Variants in UBE2H observed in about 807,000 individuals in gnomAD.
The protein encoded by UBE2H is ubiquitin-conjugating enzyme E2 H.
UBE2H carries 3 observed loss-of-function variants against 29.0 expected under a neutral mutation model. The observed-to-expected ratio is 0.10, with a 90% CI of 0.05 to 0.27. The LOEUF (loss-of-function observed/expected upper bound fraction) is 0.27. Among genes scored for constraint, UBE2H ranks in the 10% least tolerant of loss-of-function variants. UBE2H has a pLI of 1.00. For missense variants in UBE2H, 68 were observed against 228.2 expected (o/e 0.30, Z 4.52); for synonymous variants, 69 against 82.9 (o/e 0.83, Z 0.91).
intron 1 of UBE2H, among the ~76,000 whole-genome samples, chr7:129,903,959 A>G (rs566392796): frequency 6.6e-6 from 1 of 152,354 alleles, no homozygotes; most frequent in South Asian, 2.1e-4. Context: ...GAGTATTAAC[A>G]TTCCAGAAAA....
intron 1 of UBE2H, among the ~76,000 whole-genome samples, chr7:129,886,259 C>T (rs971343705): frequency 1.3e-5 from 2 of 152,134 alleles, no homozygotes; most frequent in Non-Finnish European, 2.9e-5. Context: ...TAATGATTAA[C>T]ATTCCCAAGA....
chr7:129,925,622 C>G (rs1807250986), intron 1 of UBE2H, among the ~76,000 whole-genome samples: 1 of 152,182 alleles, frequency 6.6e-6, no homozygotes, highest in South Asian at 2.1e-4. Context: ...GCCTTTCTTG[C>G]AACGAGACAC....
chr7:129,907,359 T>C (rs1806840025), intron 1 of UBE2H, among the ~76,000 whole-genome samples: 1 of 151,846 alleles, frequency 6.6e-6, no homozygotes, highest in East Asian at 1.9e-4. Context: ...TGAGCCAGAC[T>C]TTAAGGAAAG....
chr7:129,888,021 G>A (rs1806399119), intron 1 of UBE2H, among the ~76,000 whole-genome samples: 1 of 152,214 alleles, frequency 6.6e-6, no homozygotes, highest in African/African-American at 2.4e-5. Flanking sequence ...ACAATCACAT[G>A]GAAGGAAGAC....
chr7:129,924,770 G>C (rs1160735108), intron 1 of UBE2H, among the ~76,000 whole-genome samples: 1 of 151,818 alleles, frequency 6.6e-6, no homozygotes. Context: ...ACCCAAGAAG[G>C]AAGTGAAAGC....
chr7:129,948,379 C>T (rs1221143849), intron 1 of UBE2H, among the ~76,000 whole-genome samples: 1 of 152,224 alleles, frequency 6.6e-6, no homozygotes. Flanking sequence ...CAGACACCAA[C>T]GATTCTGTAA....
chr7:129,895,548 A>C (rs1806582626), intron 1 of UBE2H, among the ~76,000 whole-genome samples: 1 of 152,138 alleles, frequency 6.6e-6, no homozygotes, highest in Non-Finnish European at 1.5e-5. Flanking sequence ...CAAAATCCTA[A>C]TGAAAACATC....
At chr7:129,876,859 A>G (rs1479214000) in intron 3 of UBE2H, among the ~76,000 whole-genome samples, 2 of 152,324 alleles carry the variant, frequency 1.3e-5, no homozygotes, top group East Asian at 3.9e-4. Flanking sequence ...TATAGATGCA[A>G]ATTGTTTTAA....
In UBE2H at chr7:129,868,958, C is replaced by CA. The variant is rs572266571; in HGVS notation, c.206-10018dup. ...CTCTTTTTTTTTTTTTTTTTGGAGA[C>CA]AGAGTTTCATTCTTGTTGCCCAGGC... On this transcript the variant is annotated intron_variant, in intron 3 of 6. Transcript: ENST00000355621. Among the ~76,000 whole-genome samples the CA allele has an allele frequency of 1.0e-4, 14 of 134,996 alleles. No individual in the cohort carries two copies. The South Asian group carries it at 1.4e-3, about 14-fold the overall frequency. 88.6% of individuals were successfully genotyped at this position (134,996 alleles called of 152,430 possible).
At chr7:129,930,018 A>G (rs1013777757) in intron 1 of UBE2H, among the ~76,000 whole-genome samples, 1 of 152,156 alleles carries the variant, frequency 6.6e-6, no homozygotes, top group Non-Finnish European at 1.5e-5. Flanking sequence ...AAAACAAAAC[A>G]AAACAAAAAA....
intron 1 of UBE2H, among the ~76,000 whole-genome samples, chr7:129,918,435 T>C (rs980857420): frequency 3.3e-5 from 5 of 151,522 alleles, no homozygotes; most frequent in Non-Finnish European, 7.4e-5. Flanking sequence ...CAAGACTCAC[T>C]GCAACCTCTG....
chr7:129,855,152 T>C (rs1805681953), intron 5 of UBE2H, among the ~76,000 whole-genome samples: 1 of 152,254 alleles, frequency 6.6e-6, no homozygotes, highest in African/African-American at 2.4e-5. Flanking sequence ...AAATGGGTGA[T>C]TTGCATGTCT....
At chr7:129,882,474 C>T (rs1806274855) in intron 1 of UBE2H, among the ~76,000 whole-genome samples, 1 of 152,154 alleles carries the variant, frequency 6.6e-6, no homozygotes, top group African/African-American at 2.4e-5. Flanking sequence ...CAATGAGACA[C>T]AGAACTGACT....
intron 5 of UBE2H, among the ~76,000 whole-genome samples, chr7:129,854,619 T>C (rs1399945894): frequency 6.6e-6 from 1 of 152,246 alleles, no homozygotes; most frequent in Non-Finnish European, 1.5e-5. Flanking sequence ...ATTTTATAAA[T>C]GTGATGAAAA....
At chr7:129,947,232 A>G (rs549748514) in intron 1 of UBE2H, among the ~76,000 whole-genome samples, 124 of 152,218 alleles carry the variant, frequency 8.1e-4, no homozygotes, top group Admixed American at 1.6e-3. Flanking sequence ...GTTCCTGCCT[A>G]ACCAAAATAA....
intron 3 of UBE2H, among the ~76,000 whole-genome samples, chr7:129,873,543 T>G (rs1245458722): frequency 6.6e-6 from 1 of 150,618 alleles, no homozygotes; most frequent in Non-Finnish European, 1.5e-5. Flanking sequence ...CAAGTGATTC[T>G]CCCACCTCAG....
Position 129,832,742 on chromosome 7 carries a change from C to G in UBE2H, c.*2195G>C, listed in dbSNP as rs1032003721. 6.6e-6 allele frequency: 1 copy of G among 151,480 alleles called. No individual in the cohort carries two copies. The highest frequency in any genetic ancestry group is 2.4e-5 in the African/African-American group (1 of 41,382). 9.4% of individuals were successfully genotyped at this position (151,480 alleles called of 1,614,324 possible). ...TGACAAGATCAAAAGCAATTCTTAACTGGTCATTATTTTTTTTTAAGGTAA... is the reference window on the plus strand; with the variant it reads ...TGACAAGATCAAAAGCAATTCTTAAGTGGTCATTATTTTTTTTTAAGGTAA... On this transcript the variant is annotated 3_prime_UTR_variant, in exon 7 of 7. Coordinates refer to ENST00000355621, the MANE Select transcript of UBE2H (RefSeq NM_003344.4).
At chr7:129,860,440 T>C (rs1322553291) in intron 3 of UBE2H, among the ~76,000 whole-genome samples, 1 of 152,232 alleles carries the variant, frequency 6.6e-6, no homozygotes, top group Non-Finnish European at 1.5e-5. Context: ...ATTTTAATAA[T>C]GGGAAATGTT....
chr7:129,932,566 A>G (rs545392037), intron 1 of UBE2H, among the ~76,000 whole-genome samples: 82 of 151,770 alleles, frequency 5.4e-4, no homozygotes, highest in African/African-American at 1.9e-3. Context: ...CTGTCAGAGG[A>G]GATCGAGACC....
Sources: gnomAD v4.1 joint callset for allele counts (sites outside exome capture counted in the v4.1 genomes callset) on GRCh38, gnomAD v4.1.1 for gene constraint, MANE v1.5 for transcripts, NCBI Gene and HGNC (gene_info 2026-07-23, HGNC 2026-07-21) for gene names.